Variants in PTPA observed in about 807,000 individuals in gnomAD.
PTPA encodes the protein protein phosphatase 2 phosphatase activator, also known as serine/threonine-protein phosphatase 2A activator.
PTPA carries 13 observed loss-of-function variants against 43.6 expected under a neutral mutation model. The observed-to-expected ratio is 0.30, with a 90% CI of 0.19 to 0.47. The LOEUF is 0.47. PTPA is among the 20% of genes least tolerant of loss of function. PTPA has a pLI of 0.99. For missense variants in PTPA, 329 were observed against 411.9 expected, an observed-to-expected ratio of 0.80 and a Z score of 1.74; for synonymous variants, 172 against 158.2, an observed-to-expected ratio of 1.09 and a Z score of -0.66.
intron 1 of PTPA, among the ~76,000 whole-genome samples, 163 bp from the exon 2 acceptor site, chr9:129,120,350 G>C (rs1262579822): frequency 2.0e-5 from 3 of 151,896 alleles, no homozygotes; most frequent in African/African-American, 7.3e-5. Flanking sequence ...CTTGAACCCT[G>C]GAGGTGGAGG....
At chr9:129,111,157 A>T (rs115358565), upstream of PTPA, 9,842 of 1,216,052 alleles carry the variant, frequency 8.1e-3, 654 homozygotes, top group African/African-American at 0.14. Context: ...GGTCAGTACC[A>T]CCCACAAAGA....
At chr9:129,131,461 A>G in intron 4 of PTPA, 61 bp from the exon 5 acceptor site, 1 of 1,497,658 alleles carries the variant, frequency 6.7e-7, no homozygotes, top group Non-Finnish European at 9.3e-7. Flanking sequence ...GCCCCTGGGC[A>G]CCTGCCCACT....
intron 5 of PTPA, 75 bp from the exon 6 acceptor site, chr9:129,134,720 C>T (rs3124509): frequency 0.3 from 369,120 of 1,214,660 alleles, 56,842 homozygotes; most frequent in East Asian, 0.42. Context: ...ATCAATGATT[C>T]GGATTCTGGG....
At chr9:129,138,960 G>C (rs940713904) in intron 8 of PTPA, among the ~76,000 whole-genome samples, 10 of 152,232 alleles carry the variant, frequency 6.6e-5, no homozygotes, top group Admixed American at 4.6e-4. Context: ...TGCCTTGAAA[G>C]CCAGTCACGC....
intron 1 of PTPA, among the ~76,000 whole-genome samples, chr9:129,118,325 T>G (rs1849027976): frequency 6.6e-6 from 1 of 152,192 alleles, no homozygotes; most frequent in African/African-American, 2.4e-5. Context: ...GTGCTGGGAT[T>G]ACAGGTGTGA....
At chr9:129,137,861 C>T in intron 8 of PTPA, 169 bp downstream of exon 8, 1 of 676,308 alleles carries the variant, frequency 1.5e-6, no homozygotes, top group Non-Finnish European at 2.7e-6. Flanking sequence ...TCCGAAAGAG[C>T]CGCTGCTGAC....
intron 9 of PTPA, among the ~76,000 whole-genome samples, chr9:129,144,132 T>C (rs1172973060): frequency 1.3e-5 from 2 of 151,644 alleles, no homozygotes. Context: ...TGTCCCCTTC[T>C]CTCACCTGCC....
chr9:129,140,315 C>G (rs1347733493), intron 8 of PTPA, among the ~76,000 whole-genome samples: 2 of 152,172 alleles, frequency 1.3e-5, no homozygotes, highest in African/African-American at 2.4e-5. Flanking sequence ...CTTTTTCTCC[C>G]ACTCGTCTGT....
intron 8 of PTPA, among the ~76,000 whole-genome samples, chr9:129,141,153 T>C (rs1850788548): frequency 6.6e-6 from 1 of 152,014 alleles, no homozygotes; most frequent in East Asian, 1.9e-4. Flanking sequence ...ATGACAGGTT[T>C]TTTTTGACTT....
In PTPA at chr9:129,147,441, A is replaced by G. The variant is rs748745383; in HGVS notation, c.949A>G (p.Ile317Val). The G allele has an allele frequency of 2.5e-6, 4 of 1,613,928 alleles. No homozygotes were observed. The highest frequency in any genetic ancestry group is 3.4e-6 in the Non-Finnish European group (4 of 1,179,976). Reference protein sequence around the residue: ...QHFKFGSLLPIHPVTSG With the variant: ...QHFKFGSLLPVHPVTSG ...CTTCAAGTTCGGGAGCCTGCTGCCC[A>G]TCCATCCTGTCACGTCGGGCTAGGA... The change falls in exon 10 of 10, where the codon ATC becomes GTC. Residue 317 changes from isoleucine (I) to valine (V), a missense_variant. Transcript: ENST00000393370.
intron 9 of PTPA, among the ~76,000 whole-genome samples, chr9:129,147,143 T>C (rs941288701): frequency 2.6e-5 from 4 of 151,630 alleles, no homozygotes; most frequent in South Asian, 2.1e-4. Context: ...CTGCCTCTCT[T>C]CTCGGTTTCT....
intron 1 of PTPA, among the ~76,000 whole-genome samples, chr9:129,112,402 A>G (rs941040239): frequency 6.6e-6 from 1 of 152,194 alleles, no homozygotes; most frequent in Admixed American, 6.5e-5. Flanking sequence ...TACATTCCCG[A>G]CAGAGGCAAA....
At chr9:129,127,936 G>C (rs1312070709) in intron 3 of PTPA, 1 of 1,277,052 alleles carries the variant, frequency 7.8e-7, no homozygotes, top group Non-Finnish European at 1.0e-6. Flanking sequence ...CTTAGTAAAA[G>C]TTGTCATAAG....
intron 5 of PTPA, among the ~76,000 whole-genome samples, chr9:129,133,016 C>T (rs924752276): frequency 1.3e-5 from 2 of 152,146 alleles, no homozygotes; most frequent in Non-Finnish European, 2.9e-5. Flanking sequence ...GACCCCATCT[C>T]TCAAAAATAT....
chr9:129,142,818 G>A, intron 9 of PTPA: 1 of 1,534,464 alleles, frequency 6.5e-7, no homozygotes, highest in South Asian at 1.2e-5. Flanking sequence ...GCAAGGACCT[G>A]CTGCATGGGG....
intron 3 of PTPA, among the ~76,000 whole-genome samples, chr9:129,125,397 G>A (rs1175385984): frequency 2.0e-5 from 3 of 151,778 alleles, no homozygotes; most frequent in African/African-American, 4.8e-5. Context: ...GATTACAGGC[G>A]CCCACCACCA....
Position 129,142,513 on chromosome 9 carries a change from C to T in PTPA, c.855C>T (p.Ser285=). The part of the protein sequence containing the change: ...LWNISAVPSW[S]KVNQGLIRMY... Reference sequence around the variant, plus strand: ...ACATCAGCGCCGTCCCTTCCTGGTCCAAAGTGAACCAGGGTCTCATCCGCA... The same window carrying T: ...ACATCAGCGCCGTCCCTTCCTGGTCTAAAGTGAACCAGGGTCTCATCCGCA... Residue 285 remains serine (S), a synonymous_variant, in exon 9 of 10, where the codon TCC becomes TCT. Transcript: ENST00000393370. 1.2e-6 allele frequency: 2 copies of T among 1,613,838 alleles called. No individual in the cohort carries two copies. The highest frequency in any genetic ancestry group is 8.5e-7 in the Non-Finnish European group (1 of 1,179,772).
At chr9:129,125,568 G>A (rs1849523894) in intron 3 of PTPA, among the ~76,000 whole-genome samples, 1 of 152,122 alleles carries the variant, frequency 6.6e-6, no homozygotes, top group Non-Finnish European at 1.5e-5. Flanking sequence ...CTCAAGGGCT[G>A]TACTTTGGCA....
chr9:129,135,594 A>G (rs1467629438), intron 6 of PTPA, among the ~76,000 whole-genome samples: 1 of 152,226 alleles, frequency 6.6e-6, no homozygotes, highest in African/African-American at 2.4e-5. Context: ...ACGCCAGCTG[A>G]ACCCAGGTAG....
Sources: allele counts gnomAD v4.1 joint callset (sites outside exome capture counted in the v4.1 genomes callset), GRCh38; gene constraint gnomAD v4.1.1; transcripts MANE v1.5; gene names NCBI Gene and HGNC (gene_info 2026-07-23, HGNC 2026-07-21).